SOX8: variants seen among roughly 807,000 people sequenced by gnomAD.
SOX8 encodes the protein SRY-box transcription factor 8.
SOX8 carries 9 observed loss-of-function variants against 22.9 expected under a neutral mutation model. The observed-to-expected ratio is 0.39, with a 90% CI of 0.24 to 0.69. SOX8 has a LOEUF of 0.69. SOX8 is among the 30% of genes least tolerant of loss of function. SOX8 has a pLI of 0.43. For missense variants in SOX8, 734 were observed against 699.4 expected (o/e 1.05, Z -0.56); for synonymous variants, 416 against 330.6 (o/e 1.26, Z -2.80).
rs11542180 is a variant in SOX8 at position 985,422 on chromosome 16, G to T, written c.*36G>T. On this transcript the variant is annotated 3_prime_UTR_variant, in exon 3 of 3. Coordinates refer to ENST00000293894, the MANE Select transcript of SOX8 (RefSeq NM_014587.5). Reference sequence around the variant, plus strand: ...GCGGGGAGGGACTCGCAGGCGTCAGGGGGCAGCCTTGTCCCGGCCCAGTGT... The same window carrying T: ...GCGGGGAGGGACTCGCAGGCGTCAGTGGGCAGCCTTGTCCCGGCCCAGTGT... The T allele has an allele frequency of 1.9e-5, 28 of 1,471,330 alleles. No homozygotes were observed. The highest frequency in any genetic ancestry group is 1.8e-4 in the Middle Eastern group (1 of 5,602). The allele number at this position is 1,471,330 out of a possible 1,614,324, so 91.1% of individuals were successfully genotyped here.
chr16:981,879 C>G lies in SOX8; in HGVS notation c.-44C>G. ...CCGCAGGGCAGCCCCGGGCGCCGGC[C>G]CCGGTGCGCGTCTCCTGTGCGCGCC... On this transcript the variant is annotated 5_prime_UTR_variant, in exon 1 of 3. Transcript: ENST00000293894. 2.6e-6 allele frequency: 3 copies of G among 1,141,488 alleles called. No homozygotes were observed. The highest frequency in any genetic ancestry group is 3.2e-6 in the Non-Finnish European group (3 of 929,442). 70.7% of individuals were successfully genotyped at this position (1,141,488 alleles called of 1,614,324 possible).
Position 985,560 on chromosome 16 carries a change from G to A in SOX8, c.*174G>A. ...TCGGCCTCCAGATGGCCACACCTCT[G>A]CCGACGACGGACCAGCTCCCTCTCC... is the stretch of plus-strand genomic sequence containing the variant. On this transcript the variant is annotated 3_prime_UTR_variant, in exon 3 of 3. Transcript: ENST00000293894. 4 of 556,660 alleles carry A rather than the reference G, an allele frequency of 7.2e-6. No individual in the cohort carries two copies. In the South Asian group the frequency reaches 1.0e-4, roughly 14 times the overall value. 34.5% of individuals were successfully genotyped at this position (556,660 alleles called of 1,614,324 possible).
chr16:985,514 C>A lies in SOX8; in HGVS notation c.*128C>A. On this transcript the variant is annotated 3_prime_UTR_variant, in exon 3 of 3. Coordinates refer to ENST00000293894, the MANE Select transcript of SOX8 (RefSeq NM_014587.5). ...GTGCCTGCTGAAGTCTGCAGGGAAA[C>A]ACGCTTGCTGCCCGTGGCCCTCGGC... 1.3e-6 allele frequency: 1 copy of A among 763,404 alleles called. No homozygotes were observed. Among genetic ancestry groups the A allele is most frequent in the Non-Finnish European group, 2.0e-6 (1 of 499,208 alleles). The allele number at this position is 763,404 out of a possible 1,614,324, so 47.3% of individuals were successfully genotyped here.
In SOX8 at chr16:984,879, C is replaced by A. The variant is rs200771258; in HGVS notation, c.834C>A (p.Asp278Glu). Reference sequence around the variant, plus strand: ...GCAGCGAGGTCATGGGCACCATGGACGCCTTCGACGTCCACGAGTTCGACC... The same window carrying A: ...GCAGCGAGGTCATGGGCACCATGGAAGCCTTCGACGTCCACGAGTTCGACC... Reference protein sequence around the residue: ...ELSSEVMGTMDAFDVHEFDQY... With the variant: ...ELSSEVMGTMEAFDVHEFDQY... Residue 278 changes from aspartate to glutamate, a missense_variant, in exon 3 of 3, where the codon GAC becomes GAA. By Grantham distance (45) the Asp-to-Glu change is conservative (BLOSUM62 2). Coordinates refer to ENST00000293894, the MANE Select transcript of SOX8 (RefSeq NM_014587.5). The A allele has an allele frequency of 1.2e-6, 2 of 1,611,354 alleles. No individual in the cohort carries two copies. The highest frequency in any genetic ancestry group is 1.3e-5 in the African/African-American group (1 of 74,822).
At position 983,791 on chromosome 16, in the gene SOX8, C is replaced by G; in HGVS notation, c.486C>G (p.His162Gln). ...VEEAERLRVQ[H>Q]KKDHPDYKYQ... ...AGGCAGAGCGCCTTCGCGTGCAGCA[C>G]AAGAAGGACCACCCCGACTACAAGT... Residue 162 changes from histidine to glutamine, a missense_variant, in exon 2 of 3, where the codon CAC becomes CAG. Coordinates refer to ENST00000293894, the MANE Select transcript of SOX8 (RefSeq NM_014587.5). 6.2e-7 allele frequency: 1 copy of G among 1,612,824 alleles called. No homozygotes were observed. The highest frequency in any genetic ancestry group is 8.5e-7 in the Non-Finnish European group (1 of 1,179,834).
rs1436554803 is a variant in SOX8, at chr16:982,222, G to T, written c.300G>T (p.Pro100=). 1.9e-6 allele frequency: 3 copies of T among 1,540,808 alleles called. No homozygotes were observed. The highest frequency in any genetic ancestry group is 2.6e-6 in the Non-Finnish European group (3 of 1,151,570). The change falls in exon 1 of 3, where the codon CCG becomes CCT. Residue 100 remains proline, a synonymous_variant. Transcript: ENST00000293894. The part of the protein sequence containing the change: ...GGGGGALKAK[P]HVKRPMNAFM... Reference sequence around the variant, plus strand: ...GCGGCGGCGCGCTCAAAGCCAAGCCGCATGTGAAGCGGCCCATGAACGCAT... The same window carrying T: ...GCGGCGGCGCGCTCAAAGCCAAGCCTCATGTGAAGCGGCCCATGAACGCAT...
intron 2 of SOX8, 114 bp downstream of exon 2, chr16:984,074 C>T (rs935027617): frequency 6.3e-6 from 6 of 950,528 alleles, no homozygotes; most frequent in Middle Eastern, 2.5e-4. Flanking sequence ...TCGAGAGAAC[C>T]GGGCCTTCCC....
rs2073400290 is a variant in SOX8, at chr16:982,244, G to A, written c.322G>A (p.Ala108Thr). The A allele has an allele frequency of 1.9e-6, 3 of 1,547,862 alleles. No homozygotes were observed. The highest frequency in any genetic ancestry group is 1.2e-5 in the South Asian group (1 of 83,916). ...GCCGCATGTGAAGCGGCCCATGAAC[G>A]CATTCATGGTGTGGGCGCAGGCGGC... ...AKPHVKRPMN[A>T]FMVWAQAARR... Residue 108 changes from alanine (A) to threonine (T), a missense_variant, in exon 1 of 3, where the codon GCA (alanine) becomes ACA (threonine). Around this residue, in one of 3 missense-constraint regions of SOX8, gnomAD observed 588 missense variants for 568.2 expected, o/e 1.03. Coordinates refer to ENST00000293894, the MANE Select transcript of SOX8 (RefSeq NM_014587.5).
chr16:983,800 C>G lies in SOX8; in HGVS notation c.495C>G (p.Asp165Glu). The G allele has an allele frequency of 2.5e-6, 4 of 1,612,874 alleles. No individual in the cohort carries two copies. Among genetic ancestry groups the G allele is most frequent in the Non-Finnish European group, 3.4e-6 (4 of 1,179,836 alleles). Reference sequence around the variant, plus strand: ...GCCTTCGCGTGCAGCACAAGAAGGACCACCCCGACTACAAGTACCAGCCAC... The same window carrying G: ...GCCTTCGCGTGCAGCACAAGAAGGAGCACCCCGACTACAAGTACCAGCCAC... ...AERLRVQHKKDHPDYKYQPRR... is the reference protein window; with the variant it reads ...AERLRVQHKKEHPDYKYQPRR... Residue 165 changes from aspartate (D) to glutamate (E), a missense_variant, in exon 2 of 3, where the codon GAC becomes GAG. By Grantham distance (45) the Asp-to-Glu change is conservative. This residue lies in a region of SOX8 where 588 missense variants were observed against 568.2 expected (regional missense o/e 1.03). Transcript: ENST00000293894.
chr16:985,419 C>G lies in SOX8; in HGVS notation c.*33C>G, dbSNP rs2073451454. The G allele has an allele frequency of 6.8e-7, 1 of 1,478,384 alleles. No homozygotes were observed. Among genetic ancestry groups the G allele is most frequent in the Non-Finnish European group, 9.0e-7 (1 of 1,110,512 alleles). The allele number at this position is 1,478,384 out of a possible 1,614,324, so 91.6% of individuals were successfully genotyped here. On this transcript the variant is annotated 3_prime_UTR_variant, in exon 3 of 3. Coordinates refer to ENST00000293894, the MANE Select transcript of SOX8 (RefSeq NM_014587.5). ...GCCGCGGGGAGGGACTCGCAGGCGT[C>G]AGGGGGCAGCCTTGTCCCGGCCCAG...
chr16:981,842 G>T lies in SOX8; in HGVS notation c.-81G>T. 1 of 899,396 alleles carries T rather than the reference G, an allele frequency of 1.1e-6. No individual in the cohort carries two copies. Among genetic ancestry groups the T allele is most frequent in the Admixed American group, 5.5e-5 (1 of 18,260 alleles). The allele number at this position is 899,396 out of a possible 1,614,324, so 55.7% of individuals were successfully genotyped here. A position where few individuals can be genotyped will look rare whatever the true frequency, so the allele number is the denominator to read the frequency against. On this transcript the variant is annotated 5_prime_UTR_variant, in exon 1 of 3. Coordinates refer to ENST00000293894, the MANE Select transcript of SOX8 (RefSeq NM_014587.5). ...CGGGGCCACCGCGCGGCGACCTCGG[G>T]TCCCGGAGCGACCGCAGGGCAGCCC...
In SOX8 at chr16:985,628, A is replaced by G; in HGVS notation, c.*242A>G. On this transcript the variant is annotated 3_prime_UTR_variant, in exon 3 of 3. Coordinates refer to ENST00000293894, the MANE Select transcript of SOX8 (RefSeq NM_014587.5). ...GAGGTGGTGGGATTATTCCACAAAGAAGGGCTGCCGTTTGGTCCCTCTTCC... is the reference window on the plus strand; with the variant it reads ...GAGGTGGTGGGATTATTCCACAAAGGAGGGCTGCCGTTTGGTCCCTCTTCC... The G allele has an allele frequency of 4.1e-6, 2 of 488,684 alleles. No individual in the cohort carries two copies. The highest frequency in any genetic ancestry group is 6.8e-5 in the East Asian group (2 of 29,578). 30.3% of individuals were successfully genotyped at this position (488,684 alleles called of 1,614,324 possible). A position where few individuals can be genotyped will look rare whatever the true frequency, so the allele number is the denominator to read the frequency against.
At chr16:984,101 G>C (rs1460734268) in intron 2 of SOX8, 141 bp downstream of exon 2, 5 of 754,760 alleles carry the variant, frequency 6.6e-6, no homozygotes, top group Non-Finnish European at 9.9e-6. Flanking sequence ...CCCTGAAAAA[G>C]CTCCCAAGGC....
At position 985,552 on chromosome 16, in the gene SOX8, A is replaced by AC; in HGVS notation, c.*167dup. On this transcript the variant is annotated 3_prime_UTR_variant, in exon 3 of 3. Transcript: ENST00000293894. ...CGTGGCCCTCGGCCTCCAGATGGCC[A>AC]CACCTCTGCCGACGACGGACCAGCT... 1 of 577,786 alleles carries AC rather than the reference A, an allele frequency of 1.7e-6. No individual in the cohort carries two copies. Among genetic ancestry groups the AC allele is most frequent in the East Asian group, 3.0e-5 (1 of 33,006 alleles). The allele number at this position is 577,786 out of a possible 1,614,324, so 35.8% of individuals were successfully genotyped here. A position where few individuals can be genotyped will look rare whatever the true frequency, so the allele number is the denominator to read the frequency against.
rs758406903 is a variant in SOX8 at position 985,359 on chromosome 16, G to A, written c.1314G>A (p.Pro438=). 1.0e-5 allele frequency: 16 copies of A among 1,581,268 alleles called. No homozygotes were observed. Among genetic ancestry groups the A allele is most frequent in the South Asian group, 2.3e-5 (2 of 88,306 alleles). ...AHSPTSHWDQ[P]VYTTLTRP is the part of the protein sequence containing the mutation. ...GCCCCACCAGTCACTGGGACCAGCC[G>A]GTGTACACCACCCTGACCAGGCCCT... The change falls in exon 3 of 3, where the codon CCG becomes CCA. Residue 438 remains proline, a synonymous_variant. Transcript: ENST00000293894.
intron 1 of SOX8, chr16:982,915 C>T (rs117743987): frequency 0.057 from 8,751 of 152,566 alleles, 336 homozygotes; most frequent in Non-Finnish European, 0.087. Context: ...GTGGAGATGA[C>T]GGGGTGCGCC....
At chr16:984,407 A>C (rs955372280) in intron 2 of SOX8, among the ~76,000 whole-genome samples, 4 of 152,094 alleles carry the variant, frequency 2.6e-5, no homozygotes, top group African/African-American at 9.7e-5. Flanking sequence ...GTGGTCCCCC[A>C]GCGCCCTGTA....
Position 985,416 on chromosome 16 carries a change from C to G in SOX8, c.*30C>G, listed in dbSNP as rs1473488095. The G allele has an allele frequency of 6.8e-7, 1 of 1,481,082 alleles. No homozygotes were observed. Among genetic ancestry groups the G allele is most frequent in the Non-Finnish European group, 9.0e-7 (1 of 1,112,096 alleles). 91.7% of individuals were successfully genotyped at this position (1,481,082 alleles called of 1,614,324 possible). ...CCAGCCGCGGGGAGGGACTCGCAGG[C>G]GTCAGGGGGCAGCCTTGTCCCGGCC... On this transcript the variant is annotated 3_prime_UTR_variant, in exon 3 of 3. Coordinates refer to ENST00000293894, the MANE Select transcript of SOX8 (RefSeq NM_014587.5).
chr16:984,960 C>A lies in SOX8; in HGVS notation c.915C>A (p.Gly305=). 1.9e-6 allele frequency: 3 copies of A among 1,596,736 alleles called. No individual in the cohort carries two copies. The highest frequency in any genetic ancestry group is 2.6e-6 in the Non-Finnish European group (3 of 1,172,572). ...APPEPGQAYG[G]AYFHAGASPV... The stretch of plus-strand genomic sequence containing the variant: ...CCGAGCCGGGCCAGGCCTATGGGGG[C>A]GCCTACTTCCACGCCGGGGCGTCCC... The change falls in exon 3 of 3, where the codon GGC becomes GGA. Residue 305 remains glycine (G), a synonymous_variant. Transcript: ENST00000293894.
Sources: allele counts gnomAD v4.1 joint callset (sites outside exome capture counted in the v4.1 genomes callset), GRCh38; gene constraint gnomAD v4.1.1; regional missense constraint gnomAD v4.1.1; transcripts MANE v1.5; gene names NCBI Gene and HGNC (gene_info 2026-07-23, HGNC 2026-07-21).